CALN1: variants seen among roughly 807,000 people sequenced by gnomAD.
CALN1 encodes calcium-binding protein 8.
CALN1 carries 17 observed loss-of-function variants against 30.6 expected under a neutral mutation model. The ratio of observed to expected loss-of-function variants is 0.56; its 90% CI spans 0.38 to 0.83. The LOEUF (loss-of-function observed/expected upper bound fraction) is 0.83. Ranked by LOEUF, CALN1 falls within the 40% of genes least tolerant of loss-of-function variation. CALN1 has a pLI of 0.00. For missense variants in CALN1, 291 were observed against 354.9 expected (o/e 0.82, Z 1.45); for synonymous variants, 156 against 131.4 (o/e 1.19, Z -1.28).
intron 3 of CALN1, among the ~76,000 whole-genome samples, chr7:72,210,809 C>A (rs1471471722): frequency 6.6e-6 from 1 of 151,862 alleles, no homozygotes; most frequent in Non-Finnish European, 1.5e-5. Context: ...CAAACCATAT[C>A]AGATGCTGAG....
intron 5 of CALN1, among the ~76,000 whole-genome samples, chr7:71,837,506 G>A (rs1344494403): frequency 6.6e-6 from 1 of 152,172 alleles, no homozygotes; most frequent in Non-Finnish European, 1.5e-5. Flanking sequence ...ATATCACTGA[G>A]TTTTTAGGGC....
intron 5 of CALN1, among the ~76,000 whole-genome samples, chr7:71,938,743 C>T (rs1356060253): frequency 6.6e-6 from 1 of 151,968 alleles, no homozygotes; most frequent in African/African-American, 2.4e-5. Context: ...TGCAGTGAGC[C>T]GAGATGGCGC....
At chr7:72,141,098 C>T (rs532228890) in intron 3 of CALN1, among the ~76,000 whole-genome samples, 2 of 152,172 alleles carry the variant, frequency 1.3e-5, no homozygotes, top group East Asian at 1.9e-4. Flanking sequence ...TGGCTCCAGC[C>T]TCTCTGCGTC....
At chr7:72,011,206 A>G (rs1800059776) in intron 5 of CALN1, among the ~76,000 whole-genome samples, 2 of 151,894 alleles carry the variant, frequency 1.3e-5, no homozygotes, top group Admixed American at 6.6e-5. Context: ...CCTATTCACC[A>G]TGGCAATATA....
chr7:72,474,169 G>T, the CALN1 span, among the ~76,000 whole-genome samples: 1 of 151,914 alleles, frequency 6.6e-6, no homozygotes, highest in Non-Finnish European at 1.5e-5. Context: ...ATGTAACTCC[G>T]CAATGGCTAG....
chr7:72,342,106 C>G (rs901316720), intron 2 of CALN1, among the ~76,000 whole-genome samples: 15 of 151,912 alleles, frequency 9.9e-5, no homozygotes, highest in African/African-American at 3.4e-4. Flanking sequence ...AAATGATTTG[C>G]AAAATTAGCC....
intron 4 of CALN1, among the ~76,000 whole-genome samples, chr7:72,028,549 AG>A (rs1300302597): frequency 6.6e-6 from 1 of 152,250 alleles, no homozygotes; most frequent in Non-Finnish European, 1.5e-5. Context: ...TCCTATGGGC[AG>A]GGCCAACTAT....
intron 5 of CALN1, among the ~76,000 whole-genome samples, chr7:71,862,709 A>G (rs566953292): frequency 6.6e-6 from 1 of 152,342 alleles, no homozygotes; most frequent in Admixed American, 6.5e-5. Context: ...ATAAGCTCAC[A>G]TCTTTAGATA....
At chr7:72,318,251 T>C (rs550714844) in intron 2 of CALN1, among the ~76,000 whole-genome samples, 3 of 152,236 alleles carry the variant, frequency 2.0e-5, no homozygotes, top group Non-Finnish European at 4.4e-5. Flanking sequence ...CGTTATTTTC[T>C]CTTCTGCTAA....
intron 4 of CALN1, among the ~76,000 whole-genome samples, chr7:72,046,992 G>C (rs113535597): frequency 0.014 from 2,191 of 152,186 alleles, 67 homozygotes; most frequent in African/African-American, 0.047. Flanking sequence ...TGAGCCCAGG[G>C]AAGTCAAGGC....
the CALN1 span, among the ~76,000 whole-genome samples, chr7:72,458,073 T>C: frequency 0.35 from 50,458 of 145,654 alleles, 9,628 homozygotes; most frequent in Middle Eastern, 0.45. Flanking sequence ...CTATTCTTAG[T>C]GCCTGGTACA....
intron 4 of CALN1, among the ~76,000 whole-genome samples, chr7:72,080,217 A>C (rs1211850516): frequency 6.6e-6 from 1 of 151,970 alleles, no homozygotes; most frequent in African/African-American, 2.4e-5. Flanking sequence ...TTTTTTCCCC[A>C]CCACTAATCA....
At chr7:72,290,906 C>T (rs1394740617) in intron 2 of CALN1, among the ~76,000 whole-genome samples, 2 of 145,478 alleles carry the variant, frequency 1.4e-5, no homozygotes, top group South Asian at 2.2e-4. Context: ...GATTCCTATA[C>T]TTTCTTTCAC....
At chr7:72,484,927 C>A in the CALN1 span, among the ~76,000 whole-genome samples, 1 of 151,914 alleles carries the variant, frequency 6.6e-6, no homozygotes, top group African/African-American at 2.4e-5. Context: ...GTGTCCAAGC[C>A]TATCTGGGAA....
At chr7:72,281,631 T>C (rs1379983348) in intron 2 of CALN1, among the ~76,000 whole-genome samples, 3 of 152,198 alleles carry the variant, frequency 2.0e-5, no homozygotes, top group Non-Finnish European at 4.4e-5. Context: ...ACCTGCTCTG[T>C]TCTTATCTAA....
intron 2 of CALN1, among the ~76,000 whole-genome samples, chr7:72,310,522 A>G (rs535501501): frequency 1.3e-5 from 2 of 152,000 alleles, no homozygotes; most frequent in South Asian, 2.1e-4. Context: ...TGCCATTTAG[A>G]TAATACCTTG....
At chr7:71,946,847 T>C (rs568554670) in intron 5 of CALN1, among the ~76,000 whole-genome samples, 3 of 151,856 alleles carry the variant, frequency 2.0e-5, no homozygotes, top group African/African-American at 7.3e-5. Flanking sequence ...AGGAAACTGC[T>C]GTTTTTCAGT....
intron 4 of CALN1, among the ~76,000 whole-genome samples, chr7:72,043,309 T>C (rs1206961007): frequency 6.6e-6 from 1 of 152,162 alleles, no homozygotes; most frequent in African/African-American, 2.4e-5. Flanking sequence ...AGAGGTTCAT[T>C]GCCTTCAGCA....
intron 2 of CALN1, among the ~76,000 whole-genome samples, chr7:72,351,112 T>A (rs4717641): frequency 1.3e-5 from 2 of 152,174 alleles, no homozygotes; most frequent in South Asian, 2.1e-4. Flanking sequence ...TTGCACTGGG[T>A]GACAAAGTGA....
Sources: gnomAD v4.1 joint callset for allele counts (sites outside exome capture counted in the v4.1 genomes callset) on GRCh38, gnomAD v4.1.1 for gene constraint, MANE v1.5 for transcripts, NCBI Gene and HGNC (gene_info 2026-07-23, HGNC 2026-07-21) for gene names.